Variants in RFFL observed in about 807,000 individuals in gnomAD.
The protein encoded by RFFL is ring finger and FYVE like domain containing E3 ubiquitin protein ligase.
In RFFL, 16 loss-of-function variants were observed where a neutral mutation model predicts 40.4. That is an observed-to-expected ratio of 0.40 (90% CI 0.27 to 0.60). The LOEUF (loss-of-function observed/expected upper bound fraction) is 0.60. Among genes scored for constraint, RFFL ranks in the 20% least tolerant of loss-of-function variants. RFFL has a pLI of 0.47. For missense variants in RFFL, 367 were observed against 451.7 expected (o/e 0.81, Z 1.70); for synonymous variants, 154 against 167.9 (o/e 0.92, Z 0.64).
At chr17:35,065,058 G>T (rs2091313042), upstream of RFFL, among the ~76,000 whole-genome samples, 1 of 151,996 alleles carries the variant, frequency 6.6e-6, no homozygotes, top group South Asian at 2.1e-4. Flanking sequence ...ATGTTAATTA[G>T]TCCTTTCTGA....
At chr17:35,019,509 A>G (rs1188868984) in intron 3 of RFFL, among the ~76,000 whole-genome samples, 2 of 152,022 alleles carry the variant, frequency 1.3e-5, no homozygotes, top group African/African-American at 4.8e-5. Flanking sequence ...CCTCTTGAGT[A>G]GCTACAGGCA....
At chr17:35,013,649 G>T (rs1274238664) in intron 6 of RFFL, among the ~76,000 whole-genome samples, 1 of 152,216 alleles carries the variant, frequency 6.6e-6, no homozygotes, top group Non-Finnish European at 1.5e-5. Flanking sequence ...CTCTTTTGAG[G>T]TGCTGTTGGT....
chr17:35,030,581 T>C (rs1375752629), intron 1 of RFFL, among the ~76,000 whole-genome samples: 1 of 151,964 alleles, frequency 6.6e-6, no homozygotes, highest in Non-Finnish European at 1.5e-5. Context: ...ATTACAGGCG[T>C]GAACCACCAT....
chr17:35,071,742 TCACCTGTA>T (rs1170942895), intron 1 of RFFL, among the ~76,000 whole-genome samples: 39 of 152,094 alleles, frequency 2.6e-4, no homozygotes, highest in African/African-American at 8.7e-4. Flanking sequence ...GTCCATACAA[TCACCTGTA>T]CACAAATGTT....
At chr17:35,071,509 T>G (rs1042629388) in intron 1 of RFFL, among the ~76,000 whole-genome samples, 3 of 151,918 alleles carry the variant, frequency 2.0e-5, no homozygotes, top group African/African-American at 7.3e-5. Context: ...TCCCAGCTAC[T>G]TGGGAGGCTG....
At chr17:35,048,665 C>T (rs2091214569) in intron 1 of RFFL, among the ~76,000 whole-genome samples, 1 of 152,094 alleles carries the variant, frequency 6.6e-6, no homozygotes, top group South Asian at 2.1e-4. Context: ...ACCCTGCAGT[C>T]CAGCCAGTTT....
rs535517148 is a variant in RFFL, at chr17:35,038,405, G to A, written c.-8-11844C>T. Among the ~76,000 whole-genome samples, 11 of 151,858 alleles carry A rather than the reference G, an allele frequency of 7.2e-5. No homozygotes were observed. In the South Asian group the frequency reaches 1.4e-3, roughly 20 times the overall value. On this transcript the variant is annotated intron_variant, in intron 1 of 6. Coordinates refer to ENST00000394597, the MANE Select transcript of RFFL (RefSeq NM_001017368.2). ...TGTGTGCGCGCGCGTGCATATACAC[G>A]CGCACCCACATCTCTTTCCATGGCT...
chr17:35,035,572 A>T (rs1206318990), intron 1 of RFFL, among the ~76,000 whole-genome samples: 2 of 151,742 alleles, frequency 1.3e-5, no homozygotes, highest in Non-Finnish European at 2.9e-5. Context: ...AGACCTGCTC[A>T]GTCTAACAGA....
chr17:35,021,858 C>G, intron 2 of RFFL, 77 bp from the exon 3 acceptor site: 1 of 1,420,248 alleles, frequency 7.0e-7, no homozygotes, highest in South Asian at 1.2e-5. Flanking sequence ...AGCTTCAGAG[C>G]TGCCAAGCCC....
At position 35,021,515 on chromosome 17, in the gene RFFL, G is replaced by A. The variant is rs756370015; in HGVS notation, c.447C>T (p.Ser149=). The change falls in exon 3 of 7, where the codon TCC becomes TCT. Residue 149 remains serine, a synonymous_variant. Transcript: ENST00000394597. ...VISQEDRTRA[S]TLSPDFPEQQ... ...GCTCAGGAAAGTCTGGGGACAAGGT[G>A]GAGGCACGAGTCCTGTCCTCCTGGG... is the stretch of plus-strand genomic sequence containing the variant. 2 of 1,608,258 alleles carry A rather than the reference G, an allele frequency of 1.2e-6. No individual in the cohort carries two copies. The highest frequency in any genetic ancestry group is 3.4e-5 in the Admixed American group (2 of 59,376).
intron 5 of RFFL, among the ~76,000 whole-genome samples, chr17:35,015,753 TTTCTC>T (rs1319294521): frequency 6.6e-6 from 1 of 152,224 alleles, no homozygotes; most frequent in Non-Finnish European, 1.5e-5. Flanking sequence ...CCAAAACACA[TTTCTC>T]TTCTGCAGGA....
upstream of RFFL, among the ~76,000 whole-genome samples, chr17:35,068,622 G>C (rs897820588): frequency 6.6e-6 from 1 of 152,202 alleles, no homozygotes; most frequent in Non-Finnish European, 1.5e-5. Context: ...ATCCACTATG[G>C]TGTAATACTT....
rs1358154884 is a variant in RFFL at position 35,026,565 on chromosome 17, G to A, written c.-8-4C>T. 3.1e-6 allele frequency: 5 copies of A among 1,611,670 alleles called. No individual in the cohort carries two copies. The East Asian group carries it at 1.1e-4, about 36-fold the overall frequency. On this transcript the variant is annotated splice_polypyrimidine_tract_variant and splice_region_variant and intron_variant, in intron 1 of 6. Transcript: ENST00000394597. ...CAGGTTGCCCACATGATAAAATCTG[G>A]TGCAAGGGAGGAAAGGGGAAAAGGT...
upstream of RFFL, among the ~76,000 whole-genome samples, chr17:35,065,116 C>G (rs2091313305): frequency 6.6e-6 from 1 of 151,798 alleles, no homozygotes; most frequent in Admixed American, 6.6e-5. Context: ...TCTCTTCAAC[C>G]ACACTTTAAA....
intron 1 of RFFL, among the ~76,000 whole-genome samples, chr17:35,043,895 A>C (rs2091181872): frequency 6.6e-6 from 1 of 152,228 alleles, no homozygotes; most frequent in South Asian, 2.1e-4. Flanking sequence ...CTGGGACTAC[A>C]GAACTTTAAT....
chr17:35,085,963 G>A (rs1181087411), intron 1 of RFFL, among the ~76,000 whole-genome samples: 2 of 152,204 alleles, frequency 1.3e-5, no homozygotes, highest in South Asian at 2.1e-4. Flanking sequence ...CCGCTGTCCT[G>A]ATGGCAGCTG....
intron 1 of RFFL, among the ~76,000 whole-genome samples, chr17:35,078,500 C>T (rs541820154): frequency 6.6e-6 from 1 of 152,262 alleles, no homozygotes; most frequent in Admixed American, 6.5e-5. Flanking sequence ...CAAGGTTTTG[C>T]TATGTTGCCC....
At chr17:35,062,683 GCT>G (rs2091299416) in intron 1 of RFFL, among the ~76,000 whole-genome samples, 4 of 152,146 alleles carry the variant, frequency 2.6e-5, no homozygotes. Flanking sequence ...GTAAAAGAAC[GCT>G]TACATATGCT....
chr17:35,036,156 G>A (rs574827649), intron 1 of RFFL, among the ~76,000 whole-genome samples: 3 of 152,252 alleles, frequency 2.0e-5, no homozygotes, highest in South Asian at 2.1e-4. Context: ...AACTAACAAC[G>A]CTATATAAGC....
Sources: allele counts gnomAD v4.1 joint callset (sites outside exome capture counted in the v4.1 genomes callset), GRCh38; gene constraint gnomAD v4.1.1; transcripts MANE v1.5; gene names NCBI Gene and HGNC (gene_info 2026-07-23, HGNC 2026-07-21).